The following PPM1L variants were observed in gnomAD, a reference collection of about 807,000 sequenced individuals.
PPM1L encodes the protein protein phosphatase 1L.
Under a neutral mutation model 31.4 loss-of-function variants are expected in PPM1L, and 13 were observed. The observed-to-expected ratio is 0.41, with a 90% CI of 0.27 to 0.66. The LOEUF is 0.66. Among genes scored for constraint, PPM1L ranks in the 30% least tolerant of loss-of-function variants. The probability of loss-of-function intolerance (pLI) is 0.29; values close to 1 mark genes in which losing one functional copy is unlikely to be tolerated. For missense variants in PPM1L, 326 were observed against 453.7 expected, an observed-to-expected ratio of 0.72 and a Z score of 2.56; for synonymous variants, 184 against 175.4, an observed-to-expected ratio of 1.05 and a Z score of -0.39.
intron 1 of PPM1L, among the ~76,000 whole-genome samples, chr3:160,957,841 G>T (rs865884853): frequency 6.6e-5 from 10 of 152,272 alleles, no homozygotes; most frequent in Middle Eastern, 3.4e-3. Context: ...CTCCTAAAGT[G>T]CTGGGATTAC....
intron 1 of PPM1L, among the ~76,000 whole-genome samples, chr3:160,760,568 C>A (rs779595342): frequency 6.6e-6 from 1 of 151,964 alleles, no homozygotes; most frequent in Non-Finnish European, 1.5e-5. Context: ...TCTTATATAA[C>A]AAGATTAAAA....
chr3:160,788,399 G>A (rs958496989), intron 1 of PPM1L, among the ~76,000 whole-genome samples: 3 of 151,926 alleles, frequency 2.0e-5, no homozygotes, highest in African/African-American at 7.2e-5. Flanking sequence ...TTTTTATTTT[G>A]TGAACTTCTG....
chr3:160,943,113 G>A (rs923538519), intron 1 of PPM1L, among the ~76,000 whole-genome samples: 1 of 152,162 alleles, frequency 6.6e-6, no homozygotes, highest in Non-Finnish European at 1.5e-5. Context: ...GCATAAAGCA[G>A]CCTCTTAGAA....
At chr3:160,788,790 C>T (rs1712013249) in intron 1 of PPM1L, among the ~76,000 whole-genome samples, 12 of 151,950 alleles carry the variant, frequency 7.9e-5, no homozygotes, top group Admixed American at 7.9e-4. Context: ...AATAATCCAT[C>T]TTTTCTCTGC....
intron 1 of PPM1L, among the ~76,000 whole-genome samples, chr3:160,811,846 G>A (rs1712817408): frequency 6.6e-6 from 1 of 152,092 alleles, no homozygotes; most frequent in Admixed American, 6.5e-5. Flanking sequence ...AAAAATAGTA[G>A]ACCACCTATA....
At chr3:161,047,741 A>G (rs368437119) in intron 2 of PPM1L, among the ~76,000 whole-genome samples, 1 of 152,346 alleles carries the variant, frequency 6.6e-6, no homozygotes, top group East Asian at 1.9e-4. Context: ...AAACAGAGAT[A>G]CAGACCAATG....
chr3:160,759,601 C>G (rs577854055), intron 1 of PPM1L, among the ~76,000 whole-genome samples: 57 of 152,126 alleles, frequency 3.7e-4, no homozygotes, highest in Non-Finnish European at 6.8e-4. Context: ...GAAATATAAC[C>G]CCTATCCTCA....
intron 1 of PPM1L, among the ~76,000 whole-genome samples, chr3:160,849,614 C>T (rs570312473): frequency 8.6e-4 from 129 of 149,172 alleles, no homozygotes; most frequent in African/African-American, 2.9e-3. Flanking sequence ...TTAGTAGAGA[C>T]GCAGTTTCAC....
rs10575984 is a variant in PPM1L at position 160,801,128 on chromosome 3, TACACACAC to T, written c.399+44452_399+44459del. 8.1e-3 allele frequency among the ~76,000 whole-genome samples: 1,178 copies of T among 145,662 alleles called. 13 individuals are homozygous for T. The highest frequency in any genetic ancestry group is 0.024 in the African/African-American group (959 of 39,736). ...GTAAGGTTTACTAAATGTTTAGTGATACACACACACACACACACACACACACACACACA... is the reference window on the plus strand; with the variant it reads ...GTAAGGTTTACTAAATGTTTAGTGATACACACACACACACACACACACACA... On this transcript the variant is annotated intron_variant, in intron 1 of 3. Coordinates refer to ENST00000498165, the MANE Select transcript of PPM1L (RefSeq NM_139245.4).
At chr3:161,016,998 C>T (rs941889473) in intron 2 of PPM1L, among the ~76,000 whole-genome samples, 1 of 151,882 alleles carries the variant, frequency 6.6e-6, no homozygotes, top group East Asian at 1.9e-4. Context: ...CTTCTTTATG[C>T]TTATCTTGCC....
intron 2 of PPM1L, among the ~76,000 whole-genome samples, chr3:161,012,024 A>G (rs1472135153): frequency 6.6e-6 from 1 of 152,018 alleles, no homozygotes; most frequent in South Asian, 2.1e-4. Context: ...TCTCCTGCCT[A>G]ATTGCCCTGG....
At chr3:160,794,020 G>T (rs541577784) in intron 1 of PPM1L, among the ~76,000 whole-genome samples, 3 of 147,256 alleles carry the variant, frequency 2.0e-5, no homozygotes, top group East Asian at 3.9e-4. Flanking sequence ...GGGAGGTCCT[G>T]TGATATTTTT....
At chr3:160,903,459 C>A (rs1305968445) in intron 1 of PPM1L, among the ~76,000 whole-genome samples, 1 of 152,058 alleles carries the variant, frequency 6.6e-6, no homozygotes, top group African/African-American at 2.4e-5. Context: ...ATAACTTTTA[C>A]TTAAAATCAT....
In PPM1L at chr3:160,905,851, TA is replaced by T. The variant is rs1160204559; in HGVS notation, c.400-55880del. On this transcript the variant is annotated intron_variant, in intron 1 of 3. Coordinates refer to ENST00000498165, the MANE Select transcript of PPM1L (RefSeq NM_139245.4). ...AGTAGAACTAGACAAAACATTTTTT[TA>T]AAAATCACATTTTTTTCTAAGACTT... 7.9e-5 allele frequency among the ~76,000 whole-genome samples: 12 copies of T among 152,268 alleles called. No individual in the cohort carries two copies. In the East Asian group the frequency reaches 2.3e-3, roughly 29 times the overall value.
chr3:160,786,205 ATATTTTTTT>A (rs1560106763), intron 1 of PPM1L, among the ~76,000 whole-genome samples: 1 of 62,438 alleles, frequency 1.6e-5, no homozygotes, highest in Non-Finnish European at 2.6e-5. Context: ...ATATATATAT[ATATTTTTTT>A]TTTTTTTTTT....
chr3:160,997,678 A>T (rs1717367565), intron 2 of PPM1L, among the ~76,000 whole-genome samples: 1 of 152,132 alleles, frequency 6.6e-6, no homozygotes, highest in Non-Finnish European at 1.5e-5. Context: ...GACTAAGAAA[A>T]TTCCAGGTCT....
chr3:161,035,208 AT>A (rs1226977311), intron 2 of PPM1L, among the ~76,000 whole-genome samples: 1 of 140,466 alleles, frequency 7.1e-6, no homozygotes, highest in African/African-American at 2.8e-5. Context: ...TTAAAGTATA[AT>A]TAAAAAAAAA....
intron 2 of PPM1L, among the ~76,000 whole-genome samples, chr3:161,014,473 ATTTT>A (rs66734087): frequency 1.5e-4 from 19 of 129,190 alleles, no homozygotes; most frequent in African/African-American, 1.8e-4. Flanking sequence ...TCAAGTCAGG[ATTTT>A]TTTTTTTTTT....
intron 1 of PPM1L, among the ~76,000 whole-genome samples, chr3:160,920,666 CAT>C (rs71147393): frequency 0.098 from 11,555 of 118,378 alleles, 652 homozygotes; most frequent in East Asian, 0.17. Flanking sequence ...CACACACACA[CAT>C]ATTAAAGATC....
Sources: gnomAD v4.1 joint callset for allele counts (sites outside exome capture counted in the v4.1 genomes callset) on GRCh38, gnomAD v4.1.1 for gene constraint, MANE v1.5 for transcripts, NCBI Gene and HGNC (gene_info 2026-07-23, HGNC 2026-07-21) for gene names.